ZNF462: variants seen among roughly 807,000 people sequenced by gnomAD.
ZNF462 encodes the protein zinc finger PBX1-interacting protein.
In ZNF462, 10 loss-of-function variants were observed where a neutral mutation model predicts 201.9. That is an observed-to-expected ratio of 0.05 (90% CI 0.03 to 0.08). The LOEUF is 0.08. Ranked by LOEUF, ZNF462 falls within the 10% of genes least tolerant of loss-of-function variation. ZNF462 has a pLI of 1.00. For missense variants in ZNF462, 2,523 were observed against 3,168.3 expected (o/e 0.80, Z 4.89); for synonymous variants, 1,227 against 1,193.3 (o/e 1.03, Z -0.58).
intron 1 of ZNF462, among the ~76,000 whole-genome samples, chr9:106,888,536 A>G (rs904112512): frequency 6.6e-6 from 1 of 152,264 alleles, no homozygotes; most frequent in Non-Finnish European, 1.5e-5. Flanking sequence ...GTCATTTCCA[A>G]TTCAGTTGCA....
chr9:106,991,839 T>TCTACACACACACACACACAC (rs941555040), intron 10 of ZNF462, among the ~76,000 whole-genome samples: 4 of 136,260 alleles, frequency 2.9e-5, no homozygotes, highest in African/African-American at 1.1e-4. Flanking sequence ...CAGCACTCTC[T>TCTACACACACACACACACAC]ACACACACAC....
intron 7 of ZNF462, among the ~76,000 whole-genome samples, chr9:106,951,144 T>A (rs1035259117): frequency 1.3e-5 from 2 of 152,144 alleles, no homozygotes; most frequent in East Asian, 3.9e-4. Context: ...AAGATTTGCT[T>A]TTTCTGTTTT....
chr9:106,941,549 T>G (rs1390281109), intron 7 of ZNF462, among the ~76,000 whole-genome samples: 1 of 152,222 alleles, frequency 6.6e-6, no homozygotes, highest in Non-Finnish European at 1.5e-5. Context: ...ACACAGTAAC[T>G]GAAAGCTCTG....
chr9:106,929,539 G>A lies in ZNF462; in HGVS notation c.5627G>A (p.Arg1876Lys), dbSNP rs1830341544. 6.2e-7 allele frequency: 1 copy of A among 1,614,158 alleles called. No individual in the cohort carries two copies. Among genetic ancestry groups the A allele is most frequent in the Non-Finnish European group, 8.5e-7 (1 of 1,180,044 alleles). Residue 1876 changes from arginine to lysine, a missense_variant, in exon 3 of 13, where the codon AGG becomes AAG. Around this residue, in one of 15 missense-constraint regions of ZNF462, gnomAD observed 207 missense variants for 231.6 expected, o/e 0.89. Transcript: ENST00000277225. The surrounding 1 kb of genome is among the most constrained non-coding windows in gnomAD (Gnocchi z 8.7). Reference sequence around the variant, plus strand: ...GACCACCACAGTCGGGACCTAAAGAGGGACTTCATCATTCTGGGCAACGGC... The same window carrying A: ...GACCACCACAGTCGGGACCTAAAGAAGGACTTCATCATTCTGGGCAACGGC... ...YTDHHSRDLK[R>K]DFIILGNGPR...
chr9:107,011,105 A>G lies in ZNF462; in HGVS notation c.*75A>G. ...GTGGGAGGGCTGGCTTGGGCTGAGA[A>G]GGGAGGGACAGAAAAGAGAAGACAG... On this transcript the variant is annotated 3_prime_UTR_variant, in exon 13 of 13. Transcript: ENST00000277225. This position sits in a 1 kb window ranked among gnomAD's most constrained non-coding sequence, Gnocchi z 5.6. The G allele has an allele frequency of 2.1e-6, 3 of 1,452,410 alleles. No homozygotes were observed. Among genetic ancestry groups the G allele is most frequent in the Non-Finnish European group, 2.8e-6 (3 of 1,055,354 alleles). The allele number at this position is 1,452,410 out of a possible 1,614,324, so 90.0% of individuals were successfully genotyped here.
In ZNF462 at chr9:106,935,632, C is replaced by T; in HGVS notation, c.6235+11C>T. 6.2e-7 allele frequency: 1 copy of T among 1,604,842 alleles called. No homozygotes were observed. Among genetic ancestry groups the T allele is most frequent in the East Asian group, 2.2e-5 (1 of 44,842 alleles). ...TCAAAGCTCATGCTGGTGAGTTGTG[C>T]ATTGATGATGCACAAGTTCTTTAGC... is the stretch of plus-strand genomic sequence containing the variant. On this transcript the variant is annotated intron_variant, in intron 6 of 12. Coordinates refer to ENST00000277225, the MANE Select transcript of ZNF462 (RefSeq NM_021224.6). This position sits in a 1 kb window ranked among gnomAD's most constrained non-coding sequence, Gnocchi z 4.1.
chr9:106,990,988 G>A (rs1198163858), intron 10 of ZNF462, among the ~76,000 whole-genome samples: 1 of 152,004 alleles, frequency 6.6e-6, no homozygotes, highest in East Asian at 1.9e-4. Context: ...GGGTTCATGA[G>A]AGAGGAATAG....
In ZNF462 at chr9:106,901,893, G is replaced by T. The variant is rs576305979; in HGVS notation, c.-30-21461G>T. Among the ~76,000 whole-genome samples the T allele has an allele frequency of 2.0e-4, 31 of 152,110 alleles. No individual in the cohort carries two copies. In the South Asian group the frequency reaches 4.8e-3, roughly 23 times the overall value. On this transcript the variant is annotated intron_variant, in intron 1 of 12. Transcript: ENST00000277225. ...GTGACAGTTTGGCTTCCTCTTTACC[G>T]ATTTGGATGCCTTTTATTTCTTTCT...
At chr9:106,912,617 GA>G (rs1052127028) in intron 1 of ZNF462, among the ~76,000 whole-genome samples, 4 of 152,118 alleles carry the variant, frequency 2.6e-5, no homozygotes, top group African/African-American at 9.7e-5. Context: ...AAATTCAAAA[GA>G]TTTTTTTTCT....
At position 106,920,073 on chromosome 9, in the gene ZNF462, G is replaced by A. The variant is rs1829928438; in HGVS notation, c.-30-3281G>A. ...AATCATAATTTTATAGCAGATCAGT[G>A]ACTAGGTTAGCCTCTTAGGGTTGCT... On this transcript the variant is annotated intron_variant, in intron 1 of 12. Transcript: ENST00000277225. This position sits in a 1 kb window ranked among gnomAD's most constrained non-coding sequence, Gnocchi z 4.3. 6.6e-6 allele frequency among the ~76,000 whole-genome samples: 1 copy of A among 151,886 alleles called. No individual in the cohort carries two copies. The highest frequency in any genetic ancestry group is 1.5e-5 in the Non-Finnish European group (1 of 68,016).
At chr9:106,934,964 G>A (rs1049152990) in intron 5 of ZNF462, among the ~76,000 whole-genome samples, 3 of 151,916 alleles carry the variant, frequency 2.0e-5, no homozygotes, top group Non-Finnish European at 4.4e-5. Flanking sequence ...TATAGACCCT[G>A]GCAACAAGAC....
chr9:106,949,890 A>G (rs1275996582), intron 7 of ZNF462, among the ~76,000 whole-genome samples: 3 of 152,184 alleles, frequency 2.0e-5, no homozygotes, highest in Admixed American at 2.0e-4. Context: ...ACTGTCCTCC[A>G]GCTGCCCACC....
chr9:106,864,906 G>A (rs956096481), intron 1 of ZNF462, among the ~76,000 whole-genome samples: 5 of 152,134 alleles, frequency 3.3e-5, no homozygotes, highest in African/African-American at 1.2e-4. Context: ...GTGTCATGTT[G>A]TAACTCCACC....
chr9:106,926,381 C>T lies in ZNF462; in HGVS notation c.2469C>T (p.Pro823=), dbSNP rs774867801. 6.2e-7 allele frequency: 1 copy of T among 1,614,196 alleles called. No homozygotes were observed. The highest frequency in any genetic ancestry group is 1.7e-5 in the Admixed American group (1 of 60,020). The change falls in exon 3 of 13, where the codon CCC becomes CCT. Residue 823 remains proline, a synonymous_variant. Coordinates refer to ENST00000277225, the MANE Select transcript of ZNF462 (RefSeq NM_021224.6). This position sits in a 1 kb window ranked among gnomAD's most constrained non-coding sequence, Gnocchi z 7.9. The part of the protein sequence containing the change: ...SNTALLNTQT[P]IYGTEHNSEN... ...CTGCTCTGCTGAATACCCAAACTCC[C>T]ATCTATGGGACTGAGCACAATAGTG...
In ZNF462 at chr9:106,890,033, T is replaced by C. The variant is rs1488335849; in HGVS notation, c.-31+26678T>C. Among the ~76,000 whole-genome samples the C allele has an allele frequency of 6.6e-6, 1 of 152,180 alleles. No individual in the cohort carries two copies. The highest frequency in any genetic ancestry group is 1.9e-4 in the East Asian group (1 of 5,202). On this transcript the variant is annotated intron_variant, in intron 1 of 12. Transcript: ENST00000277225. This position sits in a 1 kb window ranked among gnomAD's most constrained non-coding sequence, Gnocchi z 4.2. ...ACTAATAGGTGTGACCATTTCTTTGTTTTATGCTCTAGTGTAGAGCTTGAC... is the reference window on the plus strand; with the variant it reads ...ACTAATAGGTGTGACCATTTCTTTGCTTTATGCTCTAGTGTAGAGCTTGAC...
chr9:106,951,899 G>A (rs1007231968), intron 7 of ZNF462, among the ~76,000 whole-genome samples: 2 of 151,262 alleles, frequency 1.3e-5, no homozygotes, highest in African/African-American at 2.4e-5. Flanking sequence ...GTGCTGTAGC[G>A]GCATCAAGTG....
rs185867455 is a variant in ZNF462, at chr9:106,978,947, T to C, written c.6832+4674T>C. On this transcript the variant is annotated intron_variant, in intron 9 of 12. Transcript: ENST00000277225. The surrounding 1 kb of genome is among the most constrained non-coding windows in gnomAD (Gnocchi z 4.1). Reference sequence around the variant, plus strand: ...CCAGCTTAGCCAAAGCGCCTTTGTCTTCCAAGTTAATGTGTGTGAAGGCAA... The same window carrying C: ...CCAGCTTAGCCAAAGCGCCTTTGTCCTCCAAGTTAATGTGTGTGAAGGCAA... The C allele has an allele frequency of 1.6e-3, 500 of 310,274 alleles. 19 individuals are homozygous for C. Among genetic ancestry groups the C allele is most frequent in the African/African-American group, 0.011 (484 of 43,232 alleles). The allele number at this position is 310,274 out of a possible 1,614,324, so 19.2% of individuals were successfully genotyped here. A position where few individuals can be genotyped will look rare whatever the true frequency, so the allele number is the denominator to read the frequency against.
chr9:106,945,134 A>G (rs1361297148), intron 7 of ZNF462, among the ~76,000 whole-genome samples: 1 of 152,192 alleles, frequency 6.6e-6, no homozygotes, highest in African/African-American at 2.4e-5. Context: ...TATTTAACAT[A>G]TGGAATACTC....
chr9:106,972,446 T>A lies in ZNF462; in HGVS notation c.6695+174T>A, dbSNP rs1474101373. 6.6e-6 allele frequency among the ~76,000 whole-genome samples: 1 copy of A among 152,090 alleles called. No homozygotes were observed. Among genetic ancestry groups the A allele is most frequent in the Non-Finnish European group, 1.5e-5 (1 of 68,016 alleles). On this transcript the variant is annotated intron_variant, in intron 8 of 12. Transcript: ENST00000277225. This position sits in a 1 kb window ranked among gnomAD's most constrained non-coding sequence, Gnocchi z 4.8. The stretch of plus-strand genomic sequence containing the variant: ...AGGAGGGTAGTTTCAGAAGACTGCT[T>A]TGGGATTTGGGAAGGGATGAAGAGC...
Sources: allele counts gnomAD v4.1 joint callset (sites outside exome capture counted in the v4.1 genomes callset), GRCh38; gene constraint gnomAD v4.1.1; regional missense constraint gnomAD v4.1.1; non-coding constraint Gnocchi (gnomAD v3.1); transcripts MANE v1.5; gene names NCBI Gene and HGNC (gene_info 2026-07-23, HGNC 2026-07-21).